The following RANBP17 variants were observed in gnomAD, a reference collection of about 807,000 sequenced individuals.
RANBP17 encodes the protein ran-binding protein 17.
RANBP17 carries 158 observed loss-of-function variants against 141.2 expected under a neutral mutation model. The observed-to-expected ratio is 1.12, with a 90% CI of 0.98 to 1.28. The LOEUF (loss-of-function observed/expected upper bound fraction) is 1.28, where lower values mean the gene tolerates loss of function less well. Among genes scored for constraint, RANBP17 ranks in the 50% most tolerant of loss-of-function variants. RANBP17 has a pLI of 0.00. For missense variants in RANBP17, 1,438 were observed against 1,290.7 expected, an observed-to-expected ratio of 1.11 and a Z score of -1.75; for synonymous variants, 430 against 450.0, an observed-to-expected ratio of 0.96 and a Z score of 0.56.
At chr5:171,176,713 T>A (rs923103213) in intron 16 of RANBP17, among the ~76,000 whole-genome samples, 7 of 152,196 alleles carry the variant, frequency 4.6e-5, no homozygotes, top group Non-Finnish European at 5.9e-5. Flanking sequence ...GTGATATGGC[T>A]GATTTGAGGG....
At chr5:170,935,005 C>CT (rs1480168905) in intron 12 of RANBP17, among the ~76,000 whole-genome samples, 2 of 152,272 alleles carry the variant, frequency 1.3e-5, no homozygotes, top group East Asian at 3.9e-4. Flanking sequence ...TTGTTCATTT[C>CT]TTTTTACTCT....
chr5:171,075,756 C>A (rs1009164334), intron 14 of RANBP17, among the ~76,000 whole-genome samples: 1 of 152,064 alleles, frequency 6.6e-6, no homozygotes, highest in African/African-American at 2.4e-5. Context: ...AGTTTGAGAC[C>A]AGACTGGCCA....
chr5:170,966,444 A>G (rs1776571685), intron 13 of RANBP17, among the ~76,000 whole-genome samples: 1 of 152,224 alleles, frequency 6.6e-6, no homozygotes, highest in Admixed American at 6.5e-5. Context: ...GACAAAAACC[A>G]CATGATTATC....
intron 14 of RANBP17, among the ~76,000 whole-genome samples, chr5:170,994,273 T>C (rs967459118): frequency 1.6e-4 from 24 of 152,050 alleles, no homozygotes; most frequent in Admixed American, 1.3e-4. Context: ...AGGAAAATTA[T>C]TTGAATTGGT....
At chr5:171,028,799 C>T (rs897280488) in intron 14 of RANBP17, 11 of 693,830 alleles carry the variant, frequency 1.6e-5, no homozygotes, top group Non-Finnish European at 2.4e-5. Flanking sequence ...TGCCTTTTTT[C>T]CCTCTCCTAA....
chr5:171,175,177 A>G (rs921386293), intron 16 of RANBP17, among the ~76,000 whole-genome samples: 3 of 151,988 alleles, frequency 2.0e-5, no homozygotes, highest in African/African-American at 7.3e-5. Flanking sequence ...TATGTGGCAC[A>G]TTTTCTTTAT....
At chr5:171,039,410 A>T (rs547713668) in intron 14 of RANBP17, among the ~76,000 whole-genome samples, 1 of 149,460 alleles carries the variant, frequency 6.7e-6, no homozygotes, top group African/African-American at 2.5e-5. Flanking sequence ...TCTTTTGTCT[A>T]TTTTTTTTAA....
In RANBP17 at chr5:171,183,409, C is replaced by G; in HGVS notation, c.2017C>G (p.Arg673Gly). Reference sequence around the variant, plus strand: ...AACAACCTTCTACACAGCGCTCACTCGCCTTCTGATGGTAGATCTGGGTAA... The same window carrying G: ...AACAACCTTCTACACAGCGCTCACTGGCCTTCTGATGGTAGATCTGGGTAA... ...CRTTFYTALT[R>G]LLMVDLGEDE... The change falls in exon 18 of 28, where the codon CGC becomes GGC. Residue 673 changes from arginine (R) to glycine (G), a missense_variant. Transcript: ENST00000523189. 2.5e-6 allele frequency: 4 copies of G among 1,613,022 alleles called. No homozygotes were observed. Among genetic ancestry groups the G allele is most frequent in the Non-Finnish European group, 3.4e-6 (4 of 1,179,016 alleles).
At chr5:170,951,632 T>C (rs1452881591) in intron 12 of RANBP17, among the ~76,000 whole-genome samples, 1 of 152,108 alleles carries the variant, frequency 6.6e-6, no homozygotes, top group Non-Finnish European at 1.5e-5. Flanking sequence ...ATGAAAATGT[T>C]CTAAAATTAG....
At chr5:171,252,057 A>G (rs373171134) in intron 24 of RANBP17, 2 of 1,603,938 alleles carry the variant, frequency 1.2e-6, no homozygotes, top group African/African-American at 1.3e-5. Flanking sequence ...GCCTTCTTAC[A>G]TGCTTAGCAG....
At chr5:170,974,848 C>T (rs1438890211) in intron 14 of RANBP17, among the ~76,000 whole-genome samples, 2 of 152,168 alleles carry the variant, frequency 1.3e-5, no homozygotes, top group Non-Finnish European at 2.9e-5. Context: ...AGGAGCACTG[C>T]ATGAGAATGT....
chr5:171,221,262 G>A (rs1251649853), intron 21 of RANBP17, among the ~76,000 whole-genome samples: 4 of 152,184 alleles, frequency 2.6e-5, no homozygotes, highest in Admixed American at 2.6e-4. Context: ...AAATATGCCT[G>A]AAGTGTCAGG....
chr5:170,974,617 C>T lies in RANBP17; in HGVS notation c.1710+6240C>T, dbSNP rs533901725. Among the ~76,000 whole-genome samples the T allele has an allele frequency of 3.3e-5, 5 of 152,232 alleles. No individual in the cohort carries two copies. In the South Asian group the frequency reaches 1.0e-3, roughly 32 times the overall value. On this transcript the variant is annotated intron_variant, in intron 14 of 27. Transcript: ENST00000523189. ...CATAGTGGGGACTTTCTCTGGTGGC[C>T]CTGTCCTTCCAGCAACCCTCTGAGT...
At chr5:171,059,832 T>G (rs1441052847) in intron 14 of RANBP17, among the ~76,000 whole-genome samples, 1 of 65,542 alleles carries the variant, frequency 1.5e-5, no homozygotes, top group Admixed American at 1.9e-4. Flanking sequence ...TATCCTCTTT[T>G]ATTTCATTGA....
rs1374775849 is a variant in RANBP17, at chr5:171,137,448, A to G, written c.1711-32682A>G. Among the ~76,000 whole-genome samples the G allele has an allele frequency of 7.2e-5, 11 of 152,270 alleles. 1 individual carries two copies. In the South Asian group the frequency reaches 2.3e-3, roughly 32 times the overall value. ...TCCAGCATTTGTATAAACTTGGACA[A>G]TACTTTTGCTACAGGGTTGTCATTG... is the stretch of plus-strand genomic sequence containing the variant. On this transcript the variant is annotated intron_variant, in intron 14 of 27. Coordinates refer to ENST00000523189, the MANE Select transcript of RANBP17 (RefSeq NM_022897.5).
intron 21 of RANBP17, among the ~76,000 whole-genome samples, chr5:171,217,701 T>C (rs1238333445): frequency 6.6e-6 from 1 of 152,218 alleles, no homozygotes; most frequent in Non-Finnish European, 1.5e-5. Context: ...TAGAGGTGTT[T>C]ATAGTATTCT....
At chr5:171,071,258 A>G (rs1784619262) in intron 14 of RANBP17, among the ~76,000 whole-genome samples, 2 of 152,096 alleles carry the variant, frequency 1.3e-5, no homozygotes, top group South Asian at 4.1e-4. Flanking sequence ...ATTGAGCTCA[A>G]TATTGTTAAG....
Position 171,183,320 on chromosome 5 carries a change from A to G in RANBP17, c.1930-2A>G. 2 of 1,612,266 alleles carry G rather than the reference A, an allele frequency of 1.2e-6. No homozygotes were observed. Among genetic ancestry groups the G allele is most frequent in the Non-Finnish European group, 1.7e-6 (2 of 1,178,312 alleles). On this transcript the variant is annotated splice_acceptor_variant, in intron 17 of 27. Transcript: ENST00000523189. LOFTEE classifies it high-confidence loss of function. ...CTTGGATTACTCTTTTGCTTTCATT[A>G]GAGTGAACACTTCCCTTTTCTTGGC...
Position 171,171,067 on chromosome 5 carries a change from A to C in RANBP17, c.1785-139A>C, listed in dbSNP as rs1204961555. The stretch of plus-strand genomic sequence containing the variant: ...GAATATGCTATTGAAAGAATAGACA[A>C]TGTTTTTGAGCCTGTTTTTCACTTT... On this transcript the variant is annotated intron_variant, in intron 15 of 27. Transcript: ENST00000523189. The C allele has an allele frequency of 5.6e-6, 3 of 539,622 alleles. No homozygotes were observed. In the African/African-American group the frequency reaches 5.8e-5, roughly 10 times the overall value. 33.4% of individuals were successfully genotyped at this position (539,622 alleles called of 1,614,324 possible).
Sources: gnomAD v4.1 joint callset for allele counts (sites outside exome capture counted in the v4.1 genomes callset) on GRCh38, gnomAD v4.1.1 for gene constraint, MANE v1.5 for transcripts, NCBI Gene and HGNC (gene_info 2026-07-23, HGNC 2026-07-21) for gene names.